Variants in ANO2 observed in about 807,000 individuals in gnomAD.
The protein encoded by ANO2 is anoctamin-2.
A neutral mutation model predicts 124.2 loss-of-function variants in ANO2; 101 were observed. The observed-to-expected ratio is 0.81, with a 90% CI of 0.69 to 0.96. The LOEUF (loss-of-function observed/expected upper bound fraction) is 0.96, where lower values mean the gene tolerates loss of function less well. ANO2 is among the 40% of genes least tolerant of loss of function. The pLI, the probability that ANO2 is intolerant of heterozygous loss-of-function variation, is 0.00. For synonymous variants in ANO2, 486 were observed against 482.5 expected, an observed-to-expected ratio of 1.01 and a Z score of -0.09; for missense variants, 1,293 against 1,274.5, an observed-to-expected ratio of 1.01 and a Z score of -0.22.
chr12:5,700,711 AAG>A (rs1381369444), intron 14 of ANO2, among the ~76,000 whole-genome samples: 1 of 152,126 alleles, frequency 6.6e-6, no homozygotes, highest in Non-Finnish European at 1.5e-5. Flanking sequence ...TAAAGAAGAA[AAG>A]AGAGAAGAAT....
At chr12:5,863,916 T>C (rs1955348439) in intron 3 of ANO2, among the ~76,000 whole-genome samples, 2 of 152,258 alleles carry the variant, frequency 1.3e-5, no homozygotes, top group Non-Finnish European at 2.9e-5. Flanking sequence ...AAGTGAATAA[T>C]GATTTCATGG....
At chr12:5,813,419 G>A (rs1488036914) in intron 7 of ANO2, among the ~76,000 whole-genome samples, 1 of 152,182 alleles carries the variant, frequency 6.6e-6, no homozygotes, top group East Asian at 1.9e-4. Context: ...TAAATATGCA[G>A]ATCTTCGGAC....
At chr12:5,841,880 A>AT (rs936684080) in intron 4 of ANO2, among the ~76,000 whole-genome samples, 7 of 151,204 alleles carry the variant, frequency 4.6e-5, no homozygotes, top group African/African-American at 1.7e-4. Flanking sequence ...TTTATTTTTT[A>AT]TTTTTTTGAG....
intron 4 of ANO2, among the ~76,000 whole-genome samples, chr12:5,839,024 C>T (rs1565712154): frequency 6.6e-6 from 1 of 152,160 alleles, no homozygotes; most frequent in African/African-American, 2.4e-5. Flanking sequence ...CTAAAACAAC[C>T]AAAACACCCA....
rs140474138 is a variant in ANO2, at chr12:5,895,300, T to C, written c.534+25740A>G. Among the ~76,000 whole-genome samples the C allele has an allele frequency of 5.4e-3, 827 of 152,362 alleles. 6 individuals carry two copies. The highest frequency in any genetic ancestry group is 0.019 in the African/African-American group (800 of 41,582). On this transcript the variant is annotated intron_variant, in intron 3 of 24. Coordinates refer to ENST00000682330, the MANE Select transcript of ANO2 (RefSeq NM_001364791.2). ...GATTTGGCTCTCTGTTTGTCTATTA[T>C]TGGTGTATAGAAATGCTTGTGATTT...
At chr12:5,812,546 GCGA>G (rs1478740806) in intron 7 of ANO2, among the ~76,000 whole-genome samples, 4 of 125,360 alleles carry the variant, frequency 3.2e-5, no homozygotes, top group South Asian at 3.2e-4. Flanking sequence ...AGGCAGGCAA[GCGA>G]AGAAAGAAAG....
intron 3 of ANO2, among the ~76,000 whole-genome samples, chr12:5,868,673 T>G (rs1356838108): frequency 1.3e-5 from 2 of 152,216 alleles, no homozygotes; most frequent in African/African-American, 4.8e-5. Flanking sequence ...TCTCCCCCTC[T>G]ATGAGGCGAA....
At chr12:5,830,280 G>A (rs1451670707) in intron 6 of ANO2, among the ~76,000 whole-genome samples, 155 bp downstream of exon 6, 3 of 152,056 alleles carry the variant, frequency 2.0e-5, no homozygotes, top group Non-Finnish European at 4.4e-5. Context: ...TTCTTTTGGG[G>A]AATGGGGAAG....
chr12:5,880,309 T>C (rs1938394342), intron 3 of ANO2, among the ~76,000 whole-genome samples: 2 of 152,150 alleles, frequency 1.3e-5, no homozygotes, highest in African/African-American at 4.8e-5. Context: ...GAACGCAGGA[T>C]AAGTGCAGGT....
At chr12:5,634,284 T>A (rs1945886610) in intron 16 of ANO2, among the ~76,000 whole-genome samples, 1 of 152,054 alleles carries the variant, frequency 6.6e-6, no homozygotes, top group South Asian at 2.1e-4. Context: ...AATTCTCCAG[T>A]CATTAGGAGA....
At chr12:5,916,491 T>TAAAAAAAAAAAAAAAAAAAAA (rs769233593) in intron 3 of ANO2, among the ~76,000 whole-genome samples, 4 of 98,084 alleles carry the variant, frequency 4.1e-5, no homozygotes, top group African/African-American at 8.6e-5. Flanking sequence ...TCGCAGCAGG[T>TAAAAAAAAAAAAAAAAAAAAA]TAAAAAAAAA....
chr12:5,630,068 G>C (rs541795956), intron 16 of ANO2, among the ~76,000 whole-genome samples: 22 of 152,332 alleles, frequency 1.4e-4, no homozygotes, highest in African/African-American at 5.1e-4. Flanking sequence ...AGATAGGCCT[G>C]ACACCTCAGC....
chr12:5,638,806 T>C (rs1469355377), intron 15 of ANO2, among the ~76,000 whole-genome samples: 1 of 152,072 alleles, frequency 6.6e-6, no homozygotes, highest in Non-Finnish European at 1.5e-5. Context: ...GCTTTTGGTG[T>C]TTTAATATCA....
intron 1 of ANO2, among the ~76,000 whole-genome samples, chr12:5,936,670 G>C (rs1942665620): frequency 1.3e-5 from 2 of 152,324 alleles, no homozygotes; most frequent in African/African-American, 4.8e-5. Context: ...GAGACAGAAT[G>C]CTTATGGTTT....
chr12:5,712,609 T>G (rs1183326140), intron 14 of ANO2, among the ~76,000 whole-genome samples: 1 of 152,134 alleles, frequency 6.6e-6, no homozygotes, highest in Non-Finnish European at 1.5e-5. Flanking sequence ...AATGAACTTG[T>G]GTTGTTTTAA....
At chr12:5,801,194 C>A (rs1214209182) in intron 9 of ANO2, among the ~76,000 whole-genome samples, 1 of 152,124 alleles carries the variant, frequency 6.6e-6, no homozygotes, top group African/African-American at 2.4e-5. Context: ...GGGGCAAAAC[C>A]AAACACATCA....
intron 14 of ANO2, among the ~76,000 whole-genome samples, chr12:5,717,645 G>T (rs1486703043): frequency 6.6e-6 from 1 of 152,164 alleles, no homozygotes; most frequent in Non-Finnish European, 1.5e-5. Flanking sequence ...TATTTTCAGT[G>T]TGTATTTCAC....
At chr12:5,916,972 A>G (rs1012046617) in intron 3 of ANO2, among the ~76,000 whole-genome samples, 1 of 152,214 alleles carries the variant, frequency 6.6e-6, no homozygotes, top group African/African-American at 2.4e-5. Context: ...AGTAGGCCAC[A>G]ATGAGAGGTG....
At chr12:5,861,318 G>A (rs1173681875) in intron 3 of ANO2, among the ~76,000 whole-genome samples, 1 of 152,168 alleles carries the variant, frequency 6.6e-6, no homozygotes, top group Admixed American at 6.5e-5. Flanking sequence ...GCAGGGGAAG[G>A]AGGAATGGGC....
Sources: allele counts gnomAD v4.1 joint callset (sites outside exome capture counted in the v4.1 genomes callset), GRCh38; gene constraint gnomAD v4.1.1; transcripts MANE v1.5; gene names NCBI Gene and HGNC (gene_info 2026-07-23, HGNC 2026-07-21).